Variants in TIAM1 observed in about 807,000 individuals in gnomAD.
The protein encoded by TIAM1 is rho guanine nucleotide exchange factor TIAM1.
TIAM1 carries 65 observed loss-of-function variants against 163.5 expected under a neutral mutation model. The observed-to-expected ratio is 0.40, with a 90% CI of 0.33 to 0.49. The LOEUF is 0.49. Ranked by LOEUF, TIAM1 falls within the 20% of genes least tolerant of loss-of-function variation. The pLI, the probability that TIAM1 is intolerant of heterozygous loss-of-function variation, is 0.77. For synonymous variants in TIAM1, 833 were observed against 810.1 expected (o/e 1.03, Z -0.48); for missense variants, 1,789 against 2,044.7 (o/e 0.87, Z 2.41).
chr21:31,244,628 G>C (rs2071395783), intron 6 of TIAM1, among the ~76,000 whole-genome samples: 1 of 152,224 alleles, frequency 6.6e-6, no homozygotes, highest in South Asian at 2.1e-4. Flanking sequence ...AAGAGGCTGA[G>C]ACAGGAGAAT....
intron 2 of TIAM1, among the ~76,000 whole-genome samples, chr21:31,383,719 A>G (rs1276753728): frequency 6.6e-6 from 1 of 152,182 alleles, no homozygotes; most frequent in Admixed American, 6.5e-5. Flanking sequence ...TCTATCTACT[A>G]CATAAGGTTA....
At chr21:31,374,771 C>T (rs2147162242) in intron 2 of TIAM1, among the ~76,000 whole-genome samples, 1 of 152,288 alleles carries the variant, frequency 6.6e-6, no homozygotes, top group South Asian at 2.1e-4. Flanking sequence ...ATTTATTCAG[C>T]TTCTAGGACC....
chr21:31,253,344 A>C (rs1265543765), intron 4 of TIAM1, among the ~76,000 whole-genome samples: 1 of 152,210 alleles, frequency 6.6e-6, no homozygotes, highest in Non-Finnish European at 1.5e-5. Context: ...TGGTTCAAAC[A>C]CGTAAAAACT....
At chr21:31,482,789 C>T (rs973690156) in intron 1 of TIAM1, among the ~76,000 whole-genome samples, 1 of 152,164 alleles carries the variant, frequency 6.6e-6, no homozygotes, top group Non-Finnish European at 1.5e-5. Flanking sequence ...TCAAGGCCAA[C>T]GTAACACTGA....
intron 2 of TIAM1, among the ~76,000 whole-genome samples, chr21:31,320,263 TA>T (rs918089578): frequency 1.2e-4 from 18 of 152,118 alleles, no homozygotes; most frequent in African/African-American, 4.3e-4. Context: ...GGCAAATTCA[TA>T]AACAGAAAGT....
intron 2 of TIAM1, among the ~76,000 whole-genome samples, chr21:31,312,616 C>T (rs754863601): frequency 1.3e-5 from 2 of 152,090 alleles, no homozygotes; most frequent in African/African-American, 2.4e-5. Flanking sequence ...GAGCCTTATC[C>T]GTATGAAGGT....
intron 2 of TIAM1, among the ~76,000 whole-genome samples, chr21:31,389,012 A>G (rs1037540462): frequency 3.9e-5 from 6 of 152,214 alleles, no homozygotes; most frequent in African/African-American, 9.6e-5. Context: ...CTTCCTGGCC[A>G]TAAGGTCTGT....
intron 27 of TIAM1, among the ~76,000 whole-genome samples, chr21:31,121,803 C>T (rs1239305605): frequency 2.0e-5 from 3 of 152,304 alleles, no homozygotes; most frequent in South Asian, 2.1e-4. Context: ...AGACACCATC[C>T]GATCAAGCCA....
chr21:31,460,838 ATAAT>A (rs1051023026), intron 2 of TIAM1, among the ~76,000 whole-genome samples: 2 of 152,244 alleles, frequency 1.3e-5, no homozygotes, highest in Admixed American at 6.5e-5. Flanking sequence ...ACCATTTTTA[ATAAT>A]TAAACTCCTG....
rs1053052693 is a variant in TIAM1, at chr21:31,340,755, C to T, written c.-368-1333G>A. Among the ~76,000 whole-genome samples the T allele has an allele frequency of 9.2e-5, 14 of 151,500 alleles. No homozygotes were observed. In the South Asian group the frequency reaches 2.1e-3, roughly 23 times the overall value. ...TTACATCTCAGTCGCTGCCAAGTTTCGGGCTTTGTACTCATTTCATTTTTA... is the reference window on the plus strand; with the variant it reads ...TTACATCTCAGTCGCTGCCAAGTTTTGGGCTTTGTACTCATTTCATTTTTA... On this transcript the variant is annotated intron_variant, in intron 1 of 27. Transcript: ENST00000541036.
At chr21:31,343,615 C>T (rs963070227) in intron 1 of TIAM1, among the ~76,000 whole-genome samples, 3 of 152,190 alleles carry the variant, frequency 2.0e-5, no homozygotes, top group Admixed American at 1.3e-4. Flanking sequence ...GAACTCCCAT[C>T]CAGGTGCGGT....
chr21:31,219,899 T>A (rs1469920456), intron 8 of TIAM1, among the ~76,000 whole-genome samples: 1 of 152,056 alleles, frequency 6.6e-6, no homozygotes, highest in Non-Finnish European at 1.5e-5. Flanking sequence ...TATGTAAAAA[T>A]TTTCTCTTCT....
intron 3 of TIAM1, among the ~76,000 whole-genome samples, chr21:31,270,492 A>G (rs1157097884): frequency 6.6e-6 from 1 of 152,174 alleles, no homozygotes; most frequent in African/African-American, 2.4e-5. Context: ...TAGTGGTCCC[A>G]CATAGCTCTC....
chr21:31,266,366 C>T lies in TIAM1; in HGVS notation c.607G>A (p.Ala203Thr), dbSNP rs1367032044. The T allele has an allele frequency of 3.1e-6, 5 of 1,614,238 alleles. No individual in the cohort carries two copies. Among genetic ancestry groups the T allele is most frequent in the Non-Finnish European group, 3.4e-6 (4 of 1,180,044 alleles). ...LTSNEEILGS[A>T]EEKDCEEARG... ...GCCTCCTCGCAGTCCTTCTCTTCGG[C>T]GGAACCCAAGATTTCTTCGTTGCTT... The change falls in exon 4 of 28, where the codon GCC becomes ACC. Residue 203 changes from alanine to threonine, a missense_variant. By Grantham distance (58) the Ala-to-Thr change is moderately conservative. This residue lies in a region of TIAM1 where 555 missense variants were observed against 564.9 expected (regional missense o/e 0.98). Coordinates refer to ENST00000541036, the MANE Select transcript of TIAM1 (RefSeq NM_001353694.2).
intron 6 of TIAM1, among the ~76,000 whole-genome samples, chr21:31,244,296 C>G (rs1010194153): frequency 6.6e-6 from 1 of 152,202 alleles, no homozygotes; most frequent in Non-Finnish European, 1.5e-5. Context: ...TAGCCCCCTC[C>G]TTGCATGTTA....
At chr21:31,218,240 A>T (rs1047527753) in intron 8 of TIAM1, among the ~76,000 whole-genome samples, 6 of 152,188 alleles carry the variant, frequency 3.9e-5, no homozygotes. Context: ...ATTGGCCCCC[A>T]ATATCCATTC....
intron 2 of TIAM1, among the ~76,000 whole-genome samples, chr21:31,437,006 C>T (rs1237333725): frequency 6.6e-6 from 1 of 152,028 alleles, no homozygotes; most frequent in Non-Finnish European, 1.5e-5. Context: ...ACCTTCGCCA[C>T]TGTAGCAAAC....
intron 16 of TIAM1, among the ~76,000 whole-genome samples, chr21:31,156,328 T>G (rs1165450940): frequency 3.3e-5 from 5 of 152,186 alleles, no homozygotes; most frequent in African/African-American, 9.6e-5. Flanking sequence ...CAGTCACCTG[T>G]CAGTGGCACT....
At chr21:31,262,930 T>C (rs760683880) in intron 4 of TIAM1, among the ~76,000 whole-genome samples, 1 of 146,840 alleles carries the variant, frequency 6.8e-6, no homozygotes, top group Non-Finnish European at 1.5e-5. Context: ...TCAAAAACTT[T>C]TACCAAAAAA....
Sources: gnomAD v4.1 joint callset for allele counts (sites outside exome capture counted in the v4.1 genomes callset) on GRCh38, gnomAD v4.1.1 for gene constraint, gnomAD v4.1.1 regional missense constraint, MANE v1.5 for transcripts, NCBI Gene and HGNC (gene_info 2026-07-23, HGNC 2026-07-21) for gene names.